PYHIN1: variants seen among roughly 807,000 people sequenced by gnomAD.
PYHIN1 encodes pyrin and HIN domain family member 1.
In PYHIN1, 32 loss-of-function variants were observed where a neutral mutation model predicts 43.7. The ratio of observed to expected loss-of-function variants is 0.73; its 90% CI spans 0.55 to 0.98. The LOEUF (loss-of-function observed/expected upper bound fraction) is 0.98, where lower values mean the gene tolerates loss of function less well. Ranked by LOEUF, PYHIN1 falls within the 50% of genes least tolerant of loss-of-function variation. PYHIN1 has a pLI of 0.00. For missense variants in PYHIN1, 588 were observed against 589.5 expected (o/e 1.00, Z 0.03); for synonymous variants, 205 against 203.1 (o/e 1.01, Z -0.08).
chr1:158,945,130 CCTAA>C (rs779206893), intron 7 of PYHIN1, 88 bp downstream of exon 7: 14 of 1,307,346 alleles, frequency 1.1e-5, no homozygotes, highest in South Asian at 3.1e-5. Flanking sequence ...TCTTCTAATC[CCTAA>C]CTGTGTACAA....
At chr1:158,976,600 A>C in intron 8 of PYHIN1, 101 bp from the exon 9 acceptor site, 1 of 802,520 alleles carries the variant, frequency 1.2e-6, no homozygotes, top group Non-Finnish European at 2.1e-6. Context: ...AAATAGAAGA[A>C]GAGATGTGGC....
At chr1:158,964,286 C>T (rs2101715668) in intron 7 of PYHIN1, among the ~76,000 whole-genome samples, 1 of 152,254 alleles carries the variant, frequency 6.6e-6, no homozygotes. Flanking sequence ...AGAAAGCAAA[C>T]ACCTTTAAAA....
intron 6 of PYHIN1, among the ~76,000 whole-genome samples, chr1:158,944,548 G>T (rs1649114787): frequency 6.6e-6 from 1 of 152,164 alleles, no homozygotes; most frequent in South Asian, 2.1e-4. Context: ...TACAACTTTG[G>T]CATATGTGGA....
rs765551556 is a variant in PYHIN1 at position 158,943,827 on chromosome 1, AG to A, written c.1042del (p.Asp348IlefsTer8). The A allele has an allele frequency of 7.1e-5, 113 of 1,602,650 alleles. No individual in the cohort carries two copies. In the South Asian group the frequency reaches 8.9e-4, roughly 13 times the overall value. ...AGGAAGACGACAATCTATGAAATTC[AG>A]GATAAAACAGGAAGTATGGCTGTAG... ...VNRKTTIYEI[Q>X]DKTGSMAVVG... On this transcript the variant is annotated frameshift_variant, in exon 6 of 9. Coordinates refer to ENST00000368140, the MANE Select transcript of PYHIN1 (RefSeq NM_152501.5). LOFTEE classifies it high-confidence loss of function.
At chr1:158,961,184 A>G (rs1434951205) in intron 7 of PYHIN1, among the ~76,000 whole-genome samples, 1 of 152,206 alleles carries the variant, frequency 6.6e-6, no homozygotes, top group African/African-American at 2.4e-5. Flanking sequence ...TGAGAATGCT[A>G]CTCACAGCCT....
chr1:158,976,868 CTATATATATATATATATATA>C lies in PYHIN1; in HGVS notation c.*202_*221del, dbSNP rs145640162. 0.052 allele frequency: 11,967 copies of C among 231,410 alleles called. 513 individuals are homozygous for C. Among genetic ancestry groups the C allele is most frequent in the Admixed American group, 0.061 (1,073 of 17,588 alleles). 14.3% of individuals were successfully genotyped at this position (231,410 alleles called of 1,614,324 possible). A position where few individuals can be genotyped will look rare whatever the true frequency, so the allele number is the denominator to read the frequency against. The stretch of plus-strand genomic sequence containing the variant: ...TATGTATATATATCTGGTTGAAATA[CTATATATATATATATATATA>C]TATATATATATATATATATATATAT... On this transcript the variant is annotated 3_prime_UTR_variant, in exon 9 of 9. Transcript: ENST00000368140.
chr1:158,940,535 C>T (rs1173845622), intron 4 of PYHIN1, among the ~76,000 whole-genome samples: 2 of 152,042 alleles, frequency 1.3e-5, no homozygotes, highest in Non-Finnish European at 2.9e-5. Flanking sequence ...ACAGGTCAGC[C>T]TTACTATATG....
chr1:158,937,226 C>T (rs760516136), intron 2 of PYHIN1, 51 bp downstream of exon 2: 1 of 1,510,540 alleles, frequency 6.6e-7, no homozygotes, highest in Non-Finnish European at 8.8e-7. Flanking sequence ...CCACCCTTCC[C>T]AACCTTGATT....
At chr1:158,986,325 G>C in the PYHIN1 span, among the ~76,000 whole-genome samples, 3 of 152,150 alleles carry the variant, frequency 2.0e-5, no homozygotes, top group African/African-American at 7.2e-5. Context: ...TGTGCTATAA[G>C]TTGGGTTTAG....
chr1:158,975,687 G>C, intron 8 of PYHIN1, among the ~76,000 whole-genome samples: 1 of 152,190 alleles, frequency 6.6e-6, no homozygotes, highest in African/African-American at 2.4e-5. Context: ...AACGTGTTCT[G>C]CTCTAGACAA....
At chr1:158,981,314 A>G (rs1467697343), downstream of PYHIN1, among the ~76,000 whole-genome samples, 3 of 152,162 alleles carry the variant, frequency 2.0e-5, no homozygotes, top group Non-Finnish European at 4.4e-5. Context: ...TACTAAAAAT[A>G]CAAAAACTTA....
downstream of PYHIN1, among the ~76,000 whole-genome samples, chr1:158,981,128 G>A (rs111379953): frequency 2.2e-4 from 33 of 152,156 alleles, no homozygotes; most frequent in East Asian, 2.1e-3. Context: ...TGTTGTATAC[G>A]TACCACATTT....
chr1:158,968,690 A>G (rs1650772463), intron 7 of PYHIN1, among the ~76,000 whole-genome samples: 1 of 152,124 alleles, frequency 6.6e-6, no homozygotes, highest in South Asian at 2.1e-4. Context: ...ACATGGAATC[A>G]CCCTAAATGT....
intron 7 of PYHIN1, among the ~76,000 whole-genome samples, chr1:158,969,004 G>A (rs1650792778): frequency 6.6e-6 from 1 of 151,882 alleles, no homozygotes; most frequent in East Asian, 1.9e-4. Context: ...GTGACATGCA[G>A]TTTACCTATG....
chr1:158,948,803 C>A (rs1410028693), intron 7 of PYHIN1, among the ~76,000 whole-genome samples: 2 of 152,130 alleles, frequency 1.3e-5, no homozygotes, highest in Non-Finnish European at 2.9e-5. Context: ...AATCATGTGT[C>A]AAATTGACTG....
intron 1 of PYHIN1, among the ~76,000 whole-genome samples, chr1:158,932,554 C>G (rs6675945): frequency 6.6e-6 from 1 of 151,872 alleles, no homozygotes; most frequent in Non-Finnish European, 1.5e-5. Context: ...CTGTATTTTA[C>G]GGTATCTCAA....
rs373660983 is a variant in PYHIN1 at position 158,976,890 on chromosome 1, A to C, written c.*195A>C. 1 of 8,338 alleles carries C rather than the reference A, an allele frequency of 1.2e-4. No individual in the cohort carries two copies. 0.5% of individuals were successfully genotyped at this position (8,338 alleles called of 1,614,324 possible). ...ATACTATATATATATATATATATATATATATATATATATATATATATATAT... is the reference window on the plus strand; with the variant it reads ...ATACTATATATATATATATATATATCTATATATATATATATATATATATAT... On this transcript the variant is annotated 3_prime_UTR_variant, in exon 9 of 9. Transcript: ENST00000368140.
chr1:158,973,613 T>C (rs1168089179), intron 7 of PYHIN1, 34 bp from the exon 8 acceptor site: 3 of 1,609,828 alleles, frequency 1.9e-6, no homozygotes, highest in Non-Finnish European at 2.5e-6. Flanking sequence ...TGTCATAAAG[T>C]GAAAGACTAA....
At chr1:158,946,560 TAGATAGATAGATAG>T (rs1649232376) in intron 7 of PYHIN1, among the ~76,000 whole-genome samples, 2 of 149,636 alleles carry the variant, frequency 1.3e-5, no homozygotes, top group African/African-American at 5.1e-5. Context: ...GATAGATAGA[TAGATAGATAGATAG>T]ATAGATAGAT....
Sources: gnomAD v4.1 joint callset for allele counts (sites outside exome capture counted in the v4.1 genomes callset) on GRCh38, gnomAD v4.1.1 for gene constraint, MANE v1.5 for transcripts, NCBI Gene and HGNC (gene_info 2026-07-23, HGNC 2026-07-21) for gene names.